Variants in HLA-DRB5 observed in about 807,000 individuals in gnomAD.
The protein encoded by HLA-DRB5 is DR beta-5.
HLA-DRB5 carries 11 observed loss-of-function variants against 22.4 expected under a neutral mutation model. The ratio of observed to expected loss-of-function variants is 0.49; its 90% CI spans 0.31 to 0.81. HLA-DRB5 has a LOEUF of 0.81. Ranked by LOEUF, HLA-DRB5 falls within the 40% of genes least tolerant of loss-of-function variation. The pLI is 0.05. For synonymous variants in HLA-DRB5, 57 were observed against 106.0 expected (o/e 0.54, Z 2.84); for missense variants, 106 against 274.4 (o/e 0.39, Z 4.34).
intron 1 of HLA-DRB5, among the ~76,000 whole-genome samples, chr6:32,529,000 C>T (rs111576237): frequency 0.15 from 18,968 of 122,884 alleles, 9 homozygotes; most frequent in Admixed American, 0.2. Context: ...TCTGTGCAAG[C>T]TTTAGGGATT....
At chr6:32,528,254 G>A (rs367581801) in intron 1 of HLA-DRB5, among the ~76,000 whole-genome samples, 13,833 of 92,128 alleles carry the variant, frequency 0.15, 326 homozygotes, top group Admixed American at 0.17. Flanking sequence ...CTTTTCTTCA[G>A]TGCACTATGA....
At chr6:32,519,778 T>C in intron 2 of HLA-DRB5, 127 bp from the exon 3 acceptor site, 1 of 408,378 alleles carries the variant, frequency 2.4e-6, no homozygotes, top group Non-Finnish European at 4.1e-6. Context: ...CAGCTGGCCA[T>C]GAGGCCTCAC....
intron 1 of HLA-DRB5, among the ~76,000 whole-genome samples, chr6:32,526,029 C>T (rs35190736): frequency 2.2e-4 from 12 of 55,616 alleles, no homozygotes; most frequent in East Asian, 4.4e-4. Context: ...TCTCTTCAGC[C>T]TCTTTAGCCT....
intron 1 of HLA-DRB5, among the ~76,000 whole-genome samples, chr6:32,527,165 C>G (rs1308743010): frequency 7.8e-6 from 1 of 127,782 alleles, no homozygotes; most frequent in African/African-American, 3.1e-5. Flanking sequence ...CTTGTCAACC[C>G]CAACAATCCA....
chr6:32,527,185 G>A (rs149168761), intron 1 of HLA-DRB5, among the ~76,000 whole-genome samples: 14,595 of 39,322 alleles, frequency 0.37, 3,933 homozygotes, highest in Middle Eastern at 0.42. Context: ...AATCCCCACA[G>A]AGTAGCTAGA....
Position 32,519,413 on chromosome 6 carries a change from T to G in HLA-DRB5, c.609A>C (p.Gln203His), listed in dbSNP as rs1247804726. The G allele has an allele frequency of 7.6e-6, 10 of 1,316,330 alleles. No individual in the cohort carries two copies. The highest frequency in any genetic ancestry group is 2.0e-4 in the Middle Eastern group (1 of 5,006). 81.5% of individuals were successfully genotyped at this position (1,316,330 alleles called of 1,614,324 possible). A position where few individuals can be genotyped will look rare whatever the true frequency, so the allele number is the denominator to read the frequency against. Reference sequence around the variant, plus strand: ...GGCTCGTCACGCTTGGGTGCTCCACTTGGCAGGTGTAAACCTCTCCACTTC... The same window carrying G: ...GGCTCGTCACGCTTGGGTGCTCCACGTGGCAGGTGTAAACCTCTCCACTTC... ...VPRSGEVYTC[Q>H]VEHPSVTSPL... is the part of the protein sequence containing the mutation. The change falls in exon 3 of 6, where the codon CAA becomes CAC. Residue 203 changes from glutamine (Q) to histidine (H), a missense_variant. Physicochemically the swap from Gln to His is conservative, Grantham distance 24 (BLOSUM62 0). Coordinates refer to ENST00000374975, the MANE Select transcript of HLA-DRB5 (RefSeq NM_002125.4).
At chr6:32,527,058 A>ATACATGCCGAGTGTG (rs1769689058) in intron 1 of HLA-DRB5, among the ~76,000 whole-genome samples, 1 of 18,310 alleles carries the variant, frequency 5.5e-5, no homozygotes, top group Non-Finnish European at 1.1e-4. Context: ...GGTAAGCAAA[A>ATACATGCCGAGTGTG]TCCACTTTAT....
intron 1 of HLA-DRB5, among the ~76,000 whole-genome samples, chr6:32,523,074 G>T (rs563226460): frequency 0.34 from 27,393 of 80,704 alleles, 2,400 homozygotes; most frequent in Middle Eastern, 0.44. Context: ...GAAAAGCGTT[G>T]TGGGTGGTGT....
At chr6:32,528,297 A>T (rs116700831) in intron 1 of HLA-DRB5, among the ~76,000 whole-genome samples, 12,310 of 81,042 alleles carry the variant, frequency 0.15, 4 homozygotes, top group East Asian at 0.16. Context: ...TTAAATGCTT[A>T]TTGGGTTAGT....
intron 1 of HLA-DRB5, among the ~76,000 whole-genome samples, chr6:32,523,097 T>C (rs1352198382): frequency 1.9e-5 from 1 of 52,098 alleles, no homozygotes; most frequent in Non-Finnish European, 4.2e-5. Context: ...GGATCTGAGA[T>C]TTATGCTAAA....
intron 1 of HLA-DRB5, among the ~76,000 whole-genome samples, chr6:32,522,985 C>G (rs73726177): frequency 0.43 from 49,921 of 115,880 alleles, 15,510 homozygotes; most frequent in Middle Eastern, 0.59. Flanking sequence ...GAAACTAGAA[C>G]AAAGTTCACT....
chr6:32,527,173 C>T (rs1183228337), intron 1 of HLA-DRB5, among the ~76,000 whole-genome samples: 2,280 of 74,806 alleles, frequency 0.03, 56 homozygotes, highest in African/African-American at 0.042. Context: ...CCCCAACAAT[C>T]CAATCCCCAC....
intron 2 of HLA-DRB5, among the ~76,000 whole-genome samples, chr6:32,520,587 T>C (rs1391572663): frequency 2.4e-5 from 1 of 40,948 alleles, no homozygotes; most frequent in African/African-American, 9.0e-5. Context: ...GAATGACATT[T>C]GGATCAAGGC....
intron 1 of HLA-DRB5, among the ~76,000 whole-genome samples, chr6:32,528,125 T>G (rs796492013): frequency 8.7e-3 from 360 of 41,268 alleles, no homozygotes; most frequent in Non-Finnish European, 0.011. Flanking sequence ...CCCTTAGATC[T>G]TCACGACTGT....
intron 1 of HLA-DRB5, among the ~76,000 whole-genome samples, chr6:32,528,114 T>A (rs188984435): frequency 4.3e-5 from 3 of 69,460 alleles, no homozygotes; most frequent in Non-Finnish European, 8.5e-5. Flanking sequence ...GGAACTTTCG[T>A]CCCTTAGATC....
chr6:32,527,442 T>C lies in HLA-DRB5; in HGVS notation c.100+2683A>G, dbSNP rs1415465100. On this transcript the variant is annotated intron_variant, in intron 1 of 5. Transcript: ENST00000374975. The stretch of plus-strand genomic sequence containing the variant: ...TGAACCCAGAAGGCAGAGGCTGCAG[T>C]GAGCCGAGATAGTGCCACTGCACTC... Among the ~76,000 whole-genome samples, 2 of 35,136 alleles carry C rather than the reference T, an allele frequency of 5.7e-5. 1 individual carries two copies. The highest frequency in any genetic ancestry group is 1.1e-4 in the Non-Finnish European group (2 of 17,808). The allele number at this position is 35,136 out of a possible 152,430, so 23.1% of individuals were successfully genotyped here.
At chr6:32,523,043 C>G (rs72508442) in intron 1 of HLA-DRB5, among the ~76,000 whole-genome samples, 2 of 115,714 alleles carry the variant, frequency 1.7e-5, no homozygotes, top group East Asian at 5.0e-4. Context: ...AGACTGGAGA[C>G]ATCACAAGAA....
intron 2 of HLA-DRB5, among the ~76,000 whole-genome samples, chr6:32,520,728 T>C (rs879047526): frequency 0.057 from 2,644 of 46,072 alleles, 52 homozygotes; most frequent in African/African-American, 0.073. Context: ...CACAAAATGA[T>C]AGATTTAAGA....
chr6:32,527,058 A>ATACATGCCGAGTCTG (rs1769689058), intron 1 of HLA-DRB5, among the ~76,000 whole-genome samples: 356 of 17,032 alleles, frequency 0.021, 32 homozygotes, highest in Middle Eastern at 0.1. Context: ...GGTAAGCAAA[A>ATACATGCCGAGTCTG]TCCACTTTAT....
Sources: allele counts gnomAD v4.1 joint callset (sites outside exome capture counted in the v4.1 genomes callset), GRCh38; gene constraint gnomAD v4.1.1; transcripts MANE v1.5; gene names NCBI Gene and HGNC (gene_info 2026-07-23, HGNC 2026-07-21).